FMR1NB: variants seen among roughly 807,000 people sequenced by gnomAD.
FMR1NB encodes FMR1 neighbor.
Under a neutral mutation model 16.8 loss-of-function variants are expected in FMR1NB, and 10 were observed. That is an observed-to-expected ratio of 0.60 (90% CI 0.37 to 1.01). The LOEUF (loss-of-function observed/expected upper bound fraction) is 1.01, where lower values mean the gene tolerates loss of function less well. FMR1NB is among the 50% of genes least tolerant of loss of function. FMR1NB has a pLI of 0.01. For synonymous variants in FMR1NB, 83 were observed against 79.1 expected, an observed-to-expected ratio of 1.05 and a Z score of -0.26; for missense variants, 205 against 204.8, an observed-to-expected ratio of 1.00 and a Z score of 0.00.
intron 3 of FMR1NB, among the ~76,000 whole-genome samples, chrX:148,007,382 G>A (rs1051304664): frequency 4.5e-5 from 5 of 111,604 alleles, no homozygotes; most frequent in Admixed American, 9.5e-5. Context: ...CTCGACATCC[G>A]GGGCTCAAGT....
intron 4 of FMR1NB, among the ~76,000 whole-genome samples, chrX:148,022,407 C>A (rs1341382823): frequency 8.9e-6 from 1 of 111,980 alleles, no homozygotes; most frequent in Non-Finnish European, 1.9e-5. Context: ...TCTACTTTCC[C>A]TTCTAAATTT....
chrX:148,021,896 CT>C (rs782136639), intron 4 of FMR1NB, among the ~76,000 whole-genome samples: 1,101 of 98,843 alleles, frequency 0.011, 17 homozygotes, highest in African/African-American at 0.03. Flanking sequence ...ACATCATCTG[CT>C]TTTTTTTTTT....
In FMR1NB at chrX:147,981,550, G is replaced by A; in HGVS notation, c.148G>A (p.Ala50Thr). The change falls in exon 1 of 6, where the codon GCT (alanine) becomes ACT (threonine). Residue 50 changes from alanine (A) to threonine (T), a missense_variant. Physicochemically the swap from Ala to Thr is moderately conservative, Grantham distance 58. Coordinates refer to ENST00000370467, the MANE Select transcript of FMR1NB (RefSeq NM_152578.3). ...CCATCCTGGATACGAGGCCGCCATG[G>A]CTGACAGGCCTCAGCCAGGATGGCG... ...SSHPGYEAAM[A>T]DRPQPGWRES... 8.2e-7 allele frequency: 1 copy of A among 1,212,129 alleles called. No homozygotes were observed.
intron 4 of FMR1NB, among the ~76,000 whole-genome samples, chrX:148,014,700 A>G (rs1232631828): frequency 1.8e-5 from 2 of 111,636 alleles, no homozygotes; most frequent in African/African-American, 6.5e-5. Flanking sequence ...GTTGGAGTGC[A>G]GTGGCACAAT....
At chrX:148,008,579 T>A in intron 3 of FMR1NB, 39 bp from the exon 4 acceptor site, 2 of 1,157,764 alleles carry the variant, frequency 1.7e-6, no homozygotes, top group Non-Finnish European at 2.3e-6. Flanking sequence ...CTTCTCTTGC[T>A]TAAGTCATGA....
chrX:147,986,724 C>T (rs1376336329), intron 1 of FMR1NB, among the ~76,000 whole-genome samples: 2 of 111,351 alleles, frequency 1.8e-5, no homozygotes, highest in African/African-American at 6.5e-5. Flanking sequence ...TTACTGTAGT[C>T]TTGTAGTATA....
chrX:148,013,899 A>G (rs1332512748), intron 4 of FMR1NB, among the ~76,000 whole-genome samples: 1 of 110,922 alleles, frequency 9.0e-6, no homozygotes, highest in Non-Finnish European at 1.9e-5. Flanking sequence ...TTTGGTGACT[A>G]TTTCTTCTCA....
chrX:147,991,647 C>CT (rs782065632), intron 1 of FMR1NB, among the ~76,000 whole-genome samples: 193 of 87,335 alleles, frequency 2.2e-3, no homozygotes, highest in South Asian at 0.016. Flanking sequence ...GGCCTTCCTT[C>CT]TTTTTTTTTT....
At chrX:148,011,460 G>A (rs2044624522) in intron 4 of FMR1NB, among the ~76,000 whole-genome samples, 1 of 111,394 alleles carries the variant, frequency 9.0e-6, no homozygotes, top group Non-Finnish European at 1.9e-5. Flanking sequence ...GGAGGATACA[G>A]AAATTTTTAA....
chrX:148,010,891 CG>C (rs782387896), intron 4 of FMR1NB, among the ~76,000 whole-genome samples: 290 of 111,330 alleles, frequency 2.6e-3, no homozygotes, highest in Non-Finnish European at 4.1e-3. Context: ...TCTTGGCCTT[CG>C]GTTGCAAGCC....
chrX:148,022,569 T>C (rs181501720), intron 4 of FMR1NB, among the ~76,000 whole-genome samples: 2 of 111,987 alleles, frequency 1.8e-5, no homozygotes, highest in African/African-American at 3.2e-5. Context: ...GGTCATGATA[T>C]ATGACACTTT....
intron 4 of FMR1NB, among the ~76,000 whole-genome samples, chrX:148,023,964 G>A (rs2044691720): frequency 9.0e-6 from 1 of 111,285 alleles, no homozygotes; most frequent in Non-Finnish European, 1.9e-5. Flanking sequence ...TTCCGTCTTG[G>A]TGCCTCAGTT....
At chrX:148,012,596 A>G (rs2044630727) in intron 4 of FMR1NB, among the ~76,000 whole-genome samples, 1 of 111,473 alleles carries the variant, frequency 9.0e-6, no homozygotes, top group Non-Finnish European at 1.9e-5. Flanking sequence ...GATGATGTAA[A>G]AAGCACATCC....
rs890186148 is a variant in FMR1NB, at chrX:148,026,664, A to G, written c.*176A>G. 3.6e-5 allele frequency: 4 copies of G among 111,138 alleles called. No individual in the cohort carries two copies. Among genetic ancestry groups the G allele is most frequent in the African/African-American group, 9.9e-5 (3 of 30,359 alleles). The allele number at this position is 111,138 out of a possible 1,213,427, so 9.2% of individuals were successfully genotyped here. ...AATTGAGTTCTGTTTTCATGCATCA[A>G]ACCAGAATCTGAATTCTTTTTATTA... On this transcript the variant is annotated 3_prime_UTR_variant, in exon 6 of 6. Transcript: ENST00000370467.
chrX:147,993,588 C>T (rs2124615195), intron 1 of FMR1NB, among the ~76,000 whole-genome samples: 1 of 110,738 alleles, frequency 9.0e-6, no homozygotes, highest in South Asian at 3.9e-4. Flanking sequence ...TCACAGAGCC[C>T]TTTTCTCCTC....
At chrX:147,988,260 G>C (rs5904825) in intron 1 of FMR1NB, among the ~76,000 whole-genome samples, 1 of 110,583 alleles carries the variant, frequency 9.0e-6, no homozygotes, top group East Asian at 2.8e-4. Context: ...TTTCTCCTTC[G>C]CTTATGAAGC....
intron 1 of FMR1NB, among the ~76,000 whole-genome samples, chrX:147,986,011 C>G (rs781872953): frequency 8.9e-6 from 1 of 112,627 alleles, no homozygotes; most frequent in African/African-American, 3.2e-5. Context: ...GATTGCCATT[C>G]TAACTGGCTT....
Position 147,981,377 on chromosome X carries a change from G to T in FMR1NB, c.-26G>T, listed in dbSNP as rs191218185. ...CCGGACCGTTGGGCTGTGAGGCAGCGTCTCAGCGAGGCGGCACCCGGAGCC... is the reference window on the plus strand; with the variant it reads ...CCGGACCGTTGGGCTGTGAGGCAGCTTCTCAGCGAGGCGGCACCCGGAGCC... On this transcript the variant is annotated 5_prime_UTR_variant, in exon 1 of 6. Transcript: ENST00000370467. 1 of 1,181,914 alleles carries T rather than the reference G, an allele frequency of 8.5e-7. No homozygotes were observed. Among genetic ancestry groups the T allele is most frequent in the East Asian group, 3.1e-5 (1 of 32,452 alleles).
Position 147,997,916 on chromosome X carries a change from G to A in FMR1NB, c.278-5285G>A, listed in dbSNP as rs149369612. ...AAACCACAATGAGATACCATCTCTCGCCTGTTAGAATGGCAATCATTAAAA... is the reference window on the plus strand; with the variant it reads ...AAACCACAATGAGATACCATCTCTCACCTGTTAGAATGGCAATCATTAAAA... On this transcript the variant is annotated intron_variant, in intron 1 of 5. Transcript: ENST00000370467. Among the ~76,000 whole-genome samples the A allele has an allele frequency of 5.3e-3, 593 of 112,364 alleles. 5 individuals are homozygous for A. The highest frequency in any genetic ancestry group is 0.028 in the Middle Eastern group (6 of 216).
Sources: allele counts gnomAD v4.1 joint callset (sites outside exome capture counted in the v4.1 genomes callset), GRCh38; gene constraint gnomAD v4.1.1; transcripts MANE v1.5; gene names NCBI Gene and HGNC (gene_info 2026-07-23, HGNC 2026-07-21).